Variants in PDZRN3 observed in about 807,000 individuals in gnomAD.
The protein encoded by PDZRN3 is E3 ubiquitin-protein ligase PDZRN3.
Under a neutral mutation model 85.7 loss-of-function variants are expected in PDZRN3, and 38 were observed. The ratio of observed to expected loss-of-function variants is 0.44; its 90% CI spans 0.34 to 0.58. PDZRN3 has a LOEUF of 0.58. PDZRN3 is among the 20% of genes least tolerant of loss of function. The probability of loss-of-function intolerance (pLI) is 0.01; values close to 1 mark genes in which losing one functional copy is unlikely to be tolerated. For synonymous variants in PDZRN3, 759 were observed against 638.0 expected (o/e 1.19, Z -2.86); for missense variants, 1,629 against 1,506.4 (o/e 1.08, Z -1.35).
At chr3:73,496,344 C>T (rs1703865845) in intron 3 of PDZRN3, among the ~76,000 whole-genome samples, 2 of 148,586 alleles carry the variant, frequency 1.3e-5, no homozygotes, top group South Asian at 4.4e-4. Context: ...CTTATTAACA[C>T]TTTATTATGG....
chr3:73,578,460 G>A (rs1047821650), intron 3 of PDZRN3, among the ~76,000 whole-genome samples: 6 of 152,076 alleles, frequency 3.9e-5, no homozygotes, highest in Non-Finnish European at 7.4e-5. Flanking sequence ...GTGAGCCACC[G>A]CGCCCAGCCG....
At chr3:73,618,980 T>C (rs934250569) in intron 1 of PDZRN3, among the ~76,000 whole-genome samples, 1 of 152,210 alleles carries the variant, frequency 6.6e-6, no homozygotes, top group Non-Finnish European at 1.5e-5. Flanking sequence ...TCAAAGTGTT[T>C]GGACATCTGG....
intron 3 of PDZRN3, among the ~76,000 whole-genome samples, chr3:73,497,582 A>G (rs546706040): frequency 6.6e-6 from 1 of 152,362 alleles, no homozygotes; most frequent in East Asian, 1.9e-4. Flanking sequence ...AATTTTTTTT[A>G]TTCTGGAAAA....
At chr3:73,564,093 G>A (rs1357818918) in intron 3 of PDZRN3, among the ~76,000 whole-genome samples, 1 of 152,144 alleles carries the variant, frequency 6.6e-6, no homozygotes, top group Non-Finnish European at 1.5e-5. Flanking sequence ...AATTCTCTCT[G>A]CCTGAGTCAT....
chr3:73,595,556 A>G (rs1702419428), intron 3 of PDZRN3, among the ~76,000 whole-genome samples: 2 of 152,234 alleles, frequency 1.3e-5, no homozygotes, highest in African/African-American at 4.8e-5. Context: ...ATGAAAAAAT[A>G]TATAATTACA....
rs114230656 is a variant in PDZRN3, at chr3:73,440,210, C to T, written c.919-35815G>A. Among the ~76,000 whole-genome samples the T allele has an allele frequency of 2.5e-3, 383 of 152,200 alleles. 6 individuals are homozygous for T. The highest frequency in any genetic ancestry group is 8.3e-3 in the African/African-American group (346 of 41,510). On this transcript the variant is annotated intron_variant, in intron 3 of 9. Transcript: ENST00000263666. ...TACTAGTTTGGTGCAAAAGTAATTG[C>T]GGTTTTTACAATAACATGGAGAGGA...
chr3:73,615,091 A>G (rs2106912914), intron 1 of PDZRN3, among the ~76,000 whole-genome samples: 1 of 151,292 alleles, frequency 6.6e-6, no homozygotes, highest in Non-Finnish European at 1.5e-5. Flanking sequence ...GAACAGGTAG[A>G]AAAAAAAACA....
intron 3 of PDZRN3, chr3:73,408,248 C>T: frequency 1.4e-6 from 1 of 702,190 alleles, no homozygotes; most frequent in Non-Finnish European, 2.6e-6. Context: ...GTTCTCAGTT[C>T]CAGTTTTCTC....
intron 3 of PDZRN3, among the ~76,000 whole-genome samples, chr3:73,505,497 A>T (rs1160349242): frequency 1.3e-5 from 2 of 152,254 alleles, no homozygotes; most frequent in Non-Finnish European, 2.9e-5. Flanking sequence ...CAAATTAAAA[A>T]AAACATTTTA....
chr3:73,619,119 T>C (rs1202859070), intron 1 of PDZRN3, among the ~76,000 whole-genome samples: 3 of 152,128 alleles, frequency 2.0e-5, no homozygotes, highest in Non-Finnish European at 4.4e-5. Context: ...AAATAATGCC[T>C]CCCCTAAACC....
intron 3 of PDZRN3, among the ~76,000 whole-genome samples, chr3:73,538,787 C>G (rs529037660): frequency 2.0e-5 from 3 of 152,268 alleles, no homozygotes; most frequent in South Asian, 4.1e-4. Flanking sequence ...GAGGCAAACT[C>G]TAAGACCTGG....
intron 3 of PDZRN3, among the ~76,000 whole-genome samples, chr3:73,423,566 C>T (rs1702244111): frequency 6.6e-6 from 1 of 152,206 alleles, no homozygotes; most frequent in Non-Finnish European, 1.5e-5. Flanking sequence ...AACATGTAAA[C>T]TTAGGAAATG....
chr3:73,395,290 G>T (rs1391807821), intron 5 of PDZRN3, among the ~76,000 whole-genome samples: 1 of 152,238 alleles, frequency 6.6e-6, no homozygotes, highest in Non-Finnish European at 1.5e-5. Flanking sequence ...TGAAAGCATA[G>T]AAGTTATCAA....
At position 73,386,226 on chromosome 3, in the gene PDZRN3, C is replaced by CTTTT. The variant is rs71126867; in HGVS notation, c.1519-445_1519-442dup. Reference sequence around the variant, plus strand: ...GCTGTTTGGCTTGGGCAAGATATCACTTTTTTTTTTTTTTTTTTTGAGACA... The same window carrying CTTTT: ...GCTGTTTGGCTTGGGCAAGATATCACTTTTTTTTTTTTTTTTTTTTTTTGAGACA... On this transcript the variant is annotated intron_variant, in intron 8 of 9. Coordinates refer to ENST00000263666, the MANE Select transcript of PDZRN3 (RefSeq NM_015009.3). Among the ~76,000 whole-genome samples the CTTTT allele has an allele frequency of 6.0e-4, 54 of 90,710 alleles. 8 individuals are homozygous for CTTTT. Among genetic ancestry groups the CTTTT allele is most frequent in the East Asian group, 3.0e-3 (7 of 2,372 alleles). The allele number at this position is 90,710 out of a possible 152,430, so 59.5% of individuals were successfully genotyped here.
intron 3 of PDZRN3, among the ~76,000 whole-genome samples, chr3:73,513,257 T>C (rs1244578659): frequency 6.6e-6 from 1 of 152,202 alleles, no homozygotes; most frequent in Non-Finnish European, 1.5e-5. Flanking sequence ...TCGTCTTCTT[T>C]TTAAACAGTT....
chr3:73,400,824 T>C (rs937154652), intron 5 of PDZRN3, 98 bp downstream of exon 5: 24 of 857,538 alleles, frequency 2.8e-5, no homozygotes, highest in Admixed American at 1.6e-4. Flanking sequence ...TTACTTTCCA[T>C]CGGCATCCGT....
chr3:73,562,999 ATATATATATATATATTTTTTTT>A (rs1559739586), intron 3 of PDZRN3, among the ~76,000 whole-genome samples: 1 of 32,684 alleles, frequency 3.1e-5, no homozygotes. Flanking sequence ...ATATATATAT[ATATATATATATATATTTTTTTT>A]TTTTTTTTTT....
intron 3 of PDZRN3, among the ~76,000 whole-genome samples, chr3:73,432,996 C>G (rs1702462727): frequency 6.6e-6 from 1 of 152,096 alleles, no homozygotes; most frequent in Admixed American, 6.5e-5. Context: ...CGTAAATATC[C>G]CATTTCATCT....
chr3:73,409,351 C>T (rs1330513977), intron 3 of PDZRN3, among the ~76,000 whole-genome samples: 1 of 152,174 alleles, frequency 6.6e-6, no homozygotes, highest in East Asian at 1.9e-4. Context: ...GTACTTGTAG[C>T]TGTCTTTTCC....
Sources: allele counts gnomAD v4.1 joint callset (sites outside exome capture counted in the v4.1 genomes callset), GRCh38; gene constraint gnomAD v4.1.1; transcripts MANE v1.5; gene names NCBI Gene and HGNC (gene_info 2026-07-23, HGNC 2026-07-21).